KCP: variants seen among roughly 807,000 people sequenced by gnomAD.
KCP encodes the protein kielin cysteine rich BMP regulator.
Under a neutral mutation model 212.7 loss-of-function variants are expected in KCP, and 194 were observed. The observed-to-expected ratio is 0.91, with a 90% confidence interval of 0.81 to 1.03. The LOEUF is 1.03. Among genes scored for constraint, KCP ranks in the 50% least tolerant of loss-of-function variants. The probability of loss-of-function intolerance (pLI) is 0.00; values close to 1 mark genes in which losing one functional copy is unlikely to be tolerated. For missense variants in KCP, 2,080 were observed against 2,162.5 expected (o/e 0.96, Z 0.76); for synonymous variants, 833 against 865.3 (o/e 0.96, Z 0.65).
At chr7:128,907,060 C>T in intron 4 of KCP, 41 bp downstream of exon 4, 2 of 1,530,306 alleles carry the variant, frequency 1.3e-6, no homozygotes, top group East Asian at 2.5e-5. Flanking sequence ...TGGAGAGAGG[C>T]AGACAGGTGA....
rs1585223606 is a variant in KCP at position 128,891,798 on chromosome 7, A to C, written c.1643T>G (p.Val548Gly). ...RCPDCILEEE[V>G]FVDGESFSHP... ...GGAGAAGCTCTCGCCGTCCACAAAC[A>C]CCTCTTCCTCCAGGATGCAGTCTGG... is the stretch of plus-strand genomic sequence containing the variant. Residue 548 changes from valine to glycine, a missense_variant, in exon 17 of 40, where the codon GTG (valine) becomes GGG (glycine). Val to Gly is a moderately radical substitution (Grantham distance 109). Transcript: ENST00000610776. 1 of 1,435,400 alleles carries C rather than the reference A, an allele frequency of 7.0e-7. No homozygotes were observed. 88.9% of individuals were successfully genotyped at this position (1,435,400 alleles called of 1,614,324 possible).
At chr7:128,893,145 C>A in intron 13 of KCP, 93 bp downstream of exon 13, 1 of 1,313,426 alleles carries the variant, frequency 7.6e-7, no homozygotes. Context: ...GTGGACTTAG[C>A]AACCCGTACC....
chr7:128,886,627 A>G, intron 25 of KCP, 28 bp downstream of exon 25: 2 of 1,550,726 alleles, frequency 1.3e-6, no homozygotes, highest in Non-Finnish European at 1.7e-6. Context: ...TCCAGCTGTC[A>G]CTCCACACCC....
At chr7:128,908,310 A>C (rs1268026180) in intron 2 of KCP, 116 bp downstream of exon 2, 1 of 459,558 alleles carries the variant, frequency 2.2e-6, no homozygotes, top group Admixed American at 6.5e-5. Flanking sequence ...AAGAAAGGGA[A>C]TTGTTCAGAT....
In KCP at chr7:128,884,137, G is replaced by A. The variant is rs1166580373; in HGVS notation, c.3124-15C>T. 9.7e-6 allele frequency: 15 copies of A among 1,539,708 alleles called. No homozygotes were observed. The highest frequency in any genetic ancestry group is 1.2e-5 in the Non-Finnish European group (14 of 1,144,008). ...TCAGGCTGTGGCTACAAGAATGAGT[G>A]AGCAGCGGTGGGTCCTGGGCCACAA... On this transcript the variant is annotated splice_polypyrimidine_tract_variant and intron_variant, in intron 28 of 39. Coordinates refer to ENST00000610776, the MANE Select transcript of KCP (RefSeq NM_001366122.1).
intron 1 of KCP, among the ~76,000 whole-genome samples, chr7:128,909,539 G>A (rs1375257555): frequency 1.3e-5 from 2 of 152,144 alleles, no homozygotes; most frequent in African/African-American, 4.8e-5. Context: ...AAGCCAGAAA[G>A]CTGGGGCTCA....
chr7:128,892,403 G>A (rs1794213706), intron 16 of KCP, 111 bp downstream of exon 16: 2 of 786,260 alleles, frequency 2.5e-6, no homozygotes, highest in Non-Finnish European at 4.0e-6. Context: ...AAACAAGACT[G>A]AAACAATTCA....
In KCP at chr7:128,891,269, C is replaced by A; in HGVS notation, c.1888G>T (p.Val630Leu). The change falls in exon 19 of 40, where the codon GTG becomes TTG. Residue 630 changes from valine to leucine, a missense_variant. Transcript: ENST00000610776. ...ACGCAGCGGCGGGCCAGGCACTGCACGTTGCCGCTCTACGGACCGACAGAC... is the reference window on the plus strand; with the variant it reads ...ACGCAGCGGCGGGCCAGGCACTGCAAGTTGCCGCTCTACGGACCGACAGAC... ...CRLCRCLSGN[V>L]QCLARRCVPL... The A allele has an allele frequency of 1.3e-6, 2 of 1,547,248 alleles. No homozygotes were observed. Among genetic ancestry groups the A allele is most frequent in the Non-Finnish European group, 1.7e-6 (2 of 1,146,680 alleles).
Position 128,879,718 on chromosome 7 carries a change from C to G in KCP, c.4044G>C (p.Thr1348=). 1.3e-6 allele frequency: 2 copies of G among 1,550,144 alleles called. No homozygotes were observed. Among genetic ancestry groups the G allele is most frequent in the South Asian group, 2.4e-5 (2 of 84,060 alleles). ...TCCTCCACTCCTCGGCTTTGCTCAC[C>G]GTGACTGCCCCGTCCTGCAGCAGCC... The part of the protein sequence containing the change: ...AVRLLQDGAV[T]VDGHPVALPF... Residue 1348 remains threonine (T), a splice_region_variant and synonymous_variant, in exon 36 of 40, where the codon ACG becomes ACC. Coordinates refer to ENST00000610776, the MANE Select transcript of KCP (RefSeq NM_001366122.1).
At chr7:128,877,410 C>T in intron 39 of KCP, 74 bp downstream of exon 39, 1 of 1,533,582 alleles carries the variant, frequency 6.5e-7, no homozygotes, top group African/African-American at 1.4e-5. Flanking sequence ...CCTGGTCCTG[C>T]CCTGAGCCCT....
At chr7:128,894,567 G>T (rs998877374) in intron 8 of KCP, among the ~76,000 whole-genome samples, 3 of 149,950 alleles carry the variant, frequency 2.0e-5, no homozygotes. Flanking sequence ...TTTTTTTTTT[G>T]AGATGATAAA....
At chr7:128,890,541 C>T in intron 20 of KCP, 28 bp from the exon 21 acceptor site, 2 of 1,532,022 alleles carry the variant, frequency 1.3e-6, no homozygotes, top group Non-Finnish European at 1.8e-6. Context: ...GGCTGGGGGG[C>T]CGTGGGGACT....
Position 128,892,778 on chromosome 7 carries a change from G to T in KCP, c.1437C>A (p.Ser479Arg). 6.4e-7 allele frequency: 1 copy of T among 1,551,688 alleles called. No individual in the cohort carries two copies. The highest frequency in any genetic ancestry group is 8.7e-7 in the Non-Finnish European group (1 of 1,146,936). ...PTQPPGACCP[S>R]CDSCTYHSQV... ...GGCTGTGGTAGGTGCAGCTGTCACA[G>T]CTGGGGCAGCAGGCACCTGGGTGGG... Residue 479 changes from serine (S) to arginine (R), a missense_variant, in exon 15 of 40, where the codon AGC becomes AGA. Transcript: ENST00000610776.
chr7:128,891,763 C>CT lies in KCP; in HGVS notation c.1677dup (p.Asp560ArgfsTer59). On this transcript the variant is annotated frameshift_variant, in exon 17 of 40. Transcript: ENST00000610776. LOFTEE classifies it high-confidence loss of function. The stretch of plus-strand genomic sequence containing the variant: ...TGGCATCGGCACTCCTGGCAGGGGT[C>CT]TCGGGGGTGGGAGAAGCTCTCGCCG... The CT allele has an allele frequency of 1.3e-5, 19 of 1,450,524 alleles. No homozygotes were observed. The highest frequency in any genetic ancestry group is 1.7e-5 in the Non-Finnish European group (19 of 1,099,762). The allele number at this position is 1,450,524 out of a possible 1,614,324, so 89.9% of individuals were successfully genotyped here.
At position 128,891,462 on chromosome 7, in the gene KCP, A is replaced by C. The variant is rs1794127535; in HGVS notation, c.1867T>G (p.Cys623Gly). The C allele has an allele frequency of 6.4e-7, 1 of 1,550,510 alleles. No homozygotes were observed. The highest frequency in any genetic ancestry group is 8.7e-7 in the Non-Finnish European group (1 of 1,146,772). The change falls in exon 18 of 40, where the codon TGT becomes GGT. Residue 623 changes from cysteine (C) to glycine (G), a missense_variant. By Grantham distance (159) the Cys-to-Gly change is radical. Transcript: ENST00000610776. ...FPHPSDPCRL[C>G]RCLSGNVQCL... is the part of the protein sequence containing the mutation. ...AGGTGCAGACTCACCAGACAGCGACACAGACGGCAGGGGTCAGAGGGGTGG... is the reference window on the plus strand; with the variant it reads ...AGGTGCAGACTCACCAGACAGCGACCCAGACGGCAGGGGTCAGAGGGGTGG...
chr7:128,877,593 A>C lies in KCP; in HGVS notation c.4509T>G (p.Cys1503Trp), dbSNP rs1443829127. ...AGGCATCAGCGGAGGAGCCAGGGCC[A>C]CAGGCACACAGGTCATACACACAGG... is the stretch of plus-strand genomic sequence containing the variant. ...FAACVYDLCA[C>W]GPGSSADACL... The change falls in exon 39 of 40, where the codon TGT (cysteine) becomes TGG (tryptophan). Residue 1503 changes from cysteine to tryptophan, a missense_variant. By Grantham distance (215) the Cys-to-Trp change is radical. Coordinates refer to ENST00000610776, the MANE Select transcript of KCP (RefSeq NM_001366122.1). 1 of 1,551,672 alleles carries C rather than the reference A, an allele frequency of 6.4e-7. No homozygotes were observed. The highest frequency in any genetic ancestry group is 2.0e-5 in the Admixed American group (1 of 51,016).
Position 128,891,782 on chromosome 7 carries a change from C to G in KCP, c.1659G>C (p.Glu553Asp). 4 of 1,450,312 alleles carry G rather than the reference C, an allele frequency of 2.8e-6. No individual in the cohort carries two copies. In the African/African-American group the frequency reaches 4.3e-5, roughly 16 times the overall value. 89.8% of individuals were successfully genotyped at this position (1,450,312 alleles called of 1,614,324 possible). ...ILEEEVFVDG[E>D]SFSHPRDPCQ... The stretch of plus-strand genomic sequence containing the variant: ...AGGGGTCTCGGGGGTGGGAGAAGCT[C>G]TCGCCGTCCACAAACACCTCTTCCT... Residue 553 changes from glutamate (E) to aspartate (D), a missense_variant, in exon 17 of 40, where the codon GAG becomes GAC. Physicochemically the swap from Glu to Asp is conservative, Grantham distance 45 (BLOSUM62 2). Transcript: ENST00000610776.
rs368508165 is a variant in KCP at position 128,877,636 on chromosome 7, G to A, written c.4466C>T (p.Pro1489Leu). 7.2e-5 allele frequency: 111 copies of A among 1,551,528 alleles called. No homozygotes were observed. Among genetic ancestry groups the A allele is most frequent in the South Asian group, 5.2e-4 (44 of 84,070 alleles). The change falls in exon 39 of 40, where the codon CCG (proline) becomes CTG (leucine). Residue 1489 changes from proline (P) to leucine (L), a missense_variant. Transcript: ENST00000610776. ...CACACAGGCGGCAAAGAAGGGCTCC[G>A]GTGGCACCACAGCATGGCAGCGACT... ...PFSRCHAVVP[P>L]EPFFAACVYD...
At chr7:128,886,825 AG>A in intron 24 of KCP, 50 bp downstream of exon 24, 1 of 1,178,770 alleles carries the variant, frequency 8.5e-7, no homozygotes, top group East Asian at 3.5e-5. Context: ...GGGAAGGGGG[AG>A]GGAGAGGCGG....
Sources: allele counts gnomAD v4.1 joint callset (sites outside exome capture counted in the v4.1 genomes callset), GRCh38; gene constraint gnomAD v4.1.1; transcripts MANE v1.5; gene names NCBI Gene and HGNC (gene_info 2026-07-23, HGNC 2026-07-21).